Variants in MBNL1 observed in about 807,000 individuals in gnomAD.
MBNL1 encodes the protein muscleblind like splicing regulator 1.
MBNL1 carries 8 observed loss-of-function variants against 42.2 expected under a neutral mutation model. That is an observed-to-expected ratio of 0.19 (90% CI 0.11 to 0.34). The LOEUF is 0.34. Ranked by LOEUF, MBNL1 falls within the 10% of genes least tolerant of loss-of-function variation. The pLI is 1.00. For missense variants in MBNL1, 309 were observed against 495.3 expected (o/e 0.62, Z 3.57); for synonymous variants, 169 against 173.9 (o/e 0.97, Z 0.22).
intron 2 of MBNL1, among the ~76,000 whole-genome samples, chr3:152,412,852 G>A (rs998588385): frequency 6.6e-6 from 1 of 152,192 alleles, no homozygotes; most frequent in Non-Finnish European, 1.5e-5. Context: ...ACCGATGTGA[G>A]TGAATTGATG....
At chr3:152,268,777 G>A (rs1215277572), upstream of MBNL1, 2 of 449,888 alleles carry the variant, frequency 4.4e-6, no homozygotes, top group East Asian at 7.3e-5. Context: ...CCGGCGGAAA[G>A]TTGAAGAGCG....
At chr3:152,268,608 T>C (rs1315647661), upstream of MBNL1, 1 of 389,504 alleles carries the variant, frequency 2.6e-6, no homozygotes, top group East Asian at 7.4e-5. Flanking sequence ...ACGCATGAGA[T>C]GGAAGATACC....
chr3:152,416,756 C>T (rs1184787054), intron 3 of MBNL1, among the ~76,000 whole-genome samples: 10 of 152,194 alleles, frequency 6.6e-5, no homozygotes, highest in Non-Finnish European at 1.3e-4. Flanking sequence ...TCTAGGATGT[C>T]GTGTGTGCAA....
intron 2 of MBNL1, among the ~76,000 whole-genome samples, chr3:152,342,749 A>G (rs2093569161): frequency 6.6e-6 from 1 of 152,066 alleles, no homozygotes; most frequent in Non-Finnish European, 1.5e-5. Flanking sequence ...CAAACTTTCA[A>G]ATTGAGGTTT....
At chr3:152,429,296 A>G (rs1411130767) in intron 3 of MBNL1, among the ~76,000 whole-genome samples, 2 of 152,248 alleles carry the variant, frequency 1.3e-5, no homozygotes, top group Non-Finnish European at 2.9e-5. Context: ...TGATTACCTT[A>G]ATGGAATCAA....
chr3:152,324,924 C>T (rs2078598744), intron 2 of MBNL1, among the ~76,000 whole-genome samples: 1 of 152,000 alleles, frequency 6.6e-6, no homozygotes, highest in Admixed American at 6.6e-5. Flanking sequence ...TCTCTCTGTA[C>T]TTTAATTAAT....
intron 1 of MBNL1, among the ~76,000 whole-genome samples, chr3:152,273,836 T>A (rs373151452): frequency 1.3e-5 from 2 of 152,162 alleles, no homozygotes; most frequent in African/African-American, 4.8e-5. Flanking sequence ...AAGAGGTGAA[T>A]AATAGTTGAT....
intron 2 of MBNL1, among the ~76,000 whole-genome samples, chr3:152,247,519 T>TA (rs1238766480): frequency 6.6e-6 from 1 of 151,894 alleles, no homozygotes; most frequent in Non-Finnish European, 1.5e-5. Context: ...TACTTCCATT[T>TA]AAAAAAATAA....
intron 4 of MBNL1, among the ~76,000 whole-genome samples, chr3:152,445,074 C>T (rs115351151): frequency 0.011 from 1,741 of 152,212 alleles, 22 homozygotes; most frequent in African/African-American, 0.04. Context: ...ATTATACATG[C>T]ATTTTCTTAT....
At chr3:152,453,426 T>C (rs1727524277) in intron 6 of MBNL1, among the ~76,000 whole-genome samples, 1 of 152,188 alleles carries the variant, frequency 6.6e-6, no homozygotes, top group Non-Finnish European at 1.5e-5. Context: ...AGCACACCAT[T>C]CTGCTCTGCA....
intron 2 of MBNL1, among the ~76,000 whole-genome samples, chr3:152,362,904 C>T (rs1420854563): frequency 6.6e-6 from 1 of 152,040 alleles, no homozygotes; most frequent in Non-Finnish European, 1.5e-5. Context: ...TTGCTAAGTA[C>T]TCAAAGTTGG....
chr3:152,337,693 C>T (rs2091296925), intron 2 of MBNL1, among the ~76,000 whole-genome samples: 1 of 150,452 alleles, frequency 6.6e-6, no homozygotes, highest in South Asian at 2.1e-4. Flanking sequence ...CCTTCCTCTT[C>T]TTTATCCTTT....
intron 2 of MBNL1, among the ~76,000 whole-genome samples, chr3:152,355,174 G>C (rs2095421345): frequency 6.6e-6 from 1 of 152,068 alleles, no homozygotes; most frequent in East Asian, 1.9e-4. Flanking sequence ...TGCCTGAGAG[G>C]CAAAATAGCA....
intron 8 of MBNL1, chr3:152,458,674 T>C (rs2153968715): frequency 6.3e-6 from 1 of 157,516 alleles, no homozygotes; most frequent in African/African-American, 2.4e-5. Flanking sequence ...ATTGGTTTCT[T>C]ATTGTATTTT....
intron 1 of MBNL1, among the ~76,000 whole-genome samples, chr3:152,289,120 A>G (rs1397536215): frequency 6.6e-6 from 1 of 152,150 alleles, no homozygotes; most frequent in Admixed American, 6.5e-5. Context: ...TAATACATAT[A>G]TGAATACACT....
intron 2 of MBNL1, among the ~76,000 whole-genome samples, chr3:152,409,541 A>G (rs2098517576): frequency 1.3e-5 from 2 of 152,154 alleles, no homozygotes; most frequent in Admixed American, 6.5e-5. Context: ...GCAATATCTG[A>G]GCAATGAATA....
intron 1 of MBNL1, among the ~76,000 whole-genome samples, chr3:152,280,743 T>A (rs984993525): frequency 2.0e-5 from 3 of 152,164 alleles, no homozygotes; most frequent in Non-Finnish European, 4.4e-5. Context: ...TAGGCCAGCT[T>A]CCAGACTTTG....
chr3:152,297,493 GTGCC>G (rs1247079446), intron 1 of MBNL1, among the ~76,000 whole-genome samples: 1 of 151,712 alleles, frequency 6.6e-6, no homozygotes, highest in East Asian at 1.9e-4. Context: ...GGGATTACAG[GTGCC>G]TGCCACCATG....
intron 4 of MBNL1, among the ~76,000 whole-genome samples, chr3:152,439,543 G>T (rs1224349965): frequency 6.6e-6 from 1 of 152,098 alleles, no homozygotes; most frequent in South Asian, 2.1e-4. Context: ...TCACATAGAG[G>T]TTTATGTAGG....
Sources: allele counts gnomAD v4.1 joint callset (sites outside exome capture counted in the v4.1 genomes callset), GRCh38; gene constraint gnomAD v4.1.1; transcripts MANE v1.5; gene names NCBI Gene and HGNC (gene_info 2026-07-23, HGNC 2026-07-21).